The following PFKP variants were observed in gnomAD, a reference collection of about 807,000 sequenced individuals.
The protein encoded by PFKP is ATP-dependent 6-phosphofructokinase, platelet type.
Under a neutral mutation model 94.3 loss-of-function variants are expected in PFKP, and 101 were observed. The ratio of observed to expected loss-of-function variants is 1.07; its 90% CI spans 0.91 to 1.26. The LOEUF (loss-of-function observed/expected upper bound fraction) is 1.26, where lower values mean the gene tolerates loss of function less well. Ranked by LOEUF, PFKP falls within the 50% of genes most tolerant of loss-of-function variation. The probability of loss-of-function intolerance (pLI) is 0.00; values close to 1 mark genes in which losing one functional copy is unlikely to be tolerated. For synonymous variants in PFKP, 573 were observed against 432.6 expected (o/e 1.32, Z -4.03); for missense variants, 1,145 against 1,103.3 (o/e 1.04, Z -0.53).
At chr10:3,108,094 A>G (rs972753365) in intron 8 of PFKP, 7 of 1,068,616 alleles carry the variant, frequency 6.6e-6, no homozygotes, top group African/African-American at 3.3e-5. Flanking sequence ...GTGGTCATCC[A>G]TAAAGTCCAG....
Position 3,134,422 on chromosome 10 carries a change from CTATTT to C in PFKP, c.2023-60_2023-56del. ...TTCTGCAAAATAGAAATTGTCATTT[CTATTT>C]AACAGCAAAGTGTTACTGTATAACT... is the stretch of plus-strand genomic sequence containing the variant. On this transcript the variant is annotated intron_variant, in intron 19 of 21. Transcript: ENST00000381125. 4.2e-6 allele frequency: 3 copies of C among 718,944 alleles called. No homozygotes were observed. The East Asian group carries it at 8.1e-5, about 19-fold the overall frequency. 44.5% of individuals were successfully genotyped at this position (718,944 alleles called of 1,614,324 possible). A position where few individuals can be genotyped will look rare whatever the true frequency, so the allele number is the denominator to read the frequency against.
chr10:3,133,746 T>C (rs1554780827), intron 19 of PFKP, among the ~76,000 whole-genome samples: 1 of 152,246 alleles, frequency 6.6e-6, no homozygotes, highest in Non-Finnish European at 1.5e-5. Context: ...ATCTGAACTT[T>C]TAAGTGATGC....
At chr10:3,088,780 A>T (rs796385256) in intron 2 of PFKP, among the ~76,000 whole-genome samples, 4 of 102,330 alleles carry the variant, frequency 3.9e-5, no homozygotes, top group Admixed American at 1.3e-4. Flanking sequence ...TAGAGTTCAG[A>T]AATATAGTCT....
intron 14 of PFKP, 107 bp downstream of exon 14, chr10:3,116,953 C>T (rs1026267591): frequency 4.6e-5 from 41 of 883,234 alleles, no homozygotes; most frequent in East Asian, 3.4e-4. Context: ...CCTGGAAAGG[C>T]GTCCCTAAGG....
rs1315467902 is a variant in PFKP, at chr10:3,134,677, T to C, written c.2122+95T>C. 4 of 793,524 alleles carry C rather than the reference T, an allele frequency of 5.0e-6. No individual in the cohort carries two copies. The African/African-American group carries it at 6.8e-5, about 14-fold the overall frequency. The allele number at this position is 793,524 out of a possible 1,614,324, so 49.2% of individuals were successfully genotyped here. On this transcript the variant is annotated intron_variant, in intron 20 of 21. Transcript: ENST00000381125. Reference sequence around the variant, plus strand: ...CTATCGGGGAGAAGTAGGGTGCTGGTTCCTTCTTCAGTTCAGTACTGAGCT... The same window carrying C: ...CTATCGGGGAGAAGTAGGGTGCTGGCTCCTTCTTCAGTTCAGTACTGAGCT...
At chr10:3,103,998 G>C (rs1234689384) in intron 5 of PFKP, 54 bp downstream of exon 5, 8 of 1,534,610 alleles carry the variant, frequency 5.2e-6, no homozygotes, top group Admixed American at 1.8e-5. Flanking sequence ...CGTGTGCCCA[G>C]CTCAGACGTT....
In PFKP at chr10:3,118,851, GATC is replaced by G. The variant is rs1564333585; in HGVS notation, c.1516_1518del (p.Ile506del). The G allele has an allele frequency of 6.2e-7, 1 of 1,612,986 alleles. No individual in the cohort carries two copies. On this transcript the variant is annotated inframe_deletion, in exon 15 of 22. Coordinates refer to ENST00000381125, the MANE Select transcript of PFKP (RefSeq NM_002627.5). Reference sequence around the variant, plus strand: ...GCACGCACAGCATCAACGCGCTGCTGATCATCGGTGGATTCGAGGTACGTTACC... The same window carrying G: ...GCACGCACAGCATCAACGCGCTGCTGATCGGTGGATTCGAGGTACGTTACC...
intron 3 of PFKP, 80 bp from the exon 4 acceptor site, chr10:3,101,285 T>C: frequency 8.6e-7 from 1 of 1,167,898 alleles, no homozygotes; most frequent in Non-Finnish European, 1.2e-6. Context: ...GCACCCCATG[T>C]TTATAGTCGG....
At position 3,124,865 on chromosome 10, in the gene PFKP, G is replaced by A. The variant is rs144648104; in HGVS notation, c.1683+4821G>A. On this transcript the variant is annotated intron_variant, in intron 16 of 21. Coordinates refer to ENST00000381125, the MANE Select transcript of PFKP (RefSeq NM_002627.5). ...ACACCACCCCGCTGTGCTGCCTGCA[G>A]GCACCCCCTTTCATGAGGACCTGGG... Among the ~76,000 whole-genome samples the A allele has an allele frequency of 1.3e-3, 205 of 152,312 alleles. 1 individual carries two copies. Among genetic ancestry groups the A allele is most frequent in the Middle Eastern group, 0.01 (3 of 294 alleles).
At chr10:3,108,931 A>G in intron 9 of PFKP, 138 bp downstream of exon 9, 1 of 681,240 alleles carries the variant, frequency 1.5e-6, no homozygotes, top group South Asian at 1.7e-5. Context: ...CATCTTAACG[A>G]TCCTTGAGAC....
chr10:3,121,607 T>C (rs1308478454), intron 16 of PFKP, among the ~76,000 whole-genome samples: 1 of 146,850 alleles, frequency 6.8e-6, no homozygotes, highest in East Asian at 2.0e-4. Flanking sequence ...TTTCAGATTG[T>C]AAATATGTAA....
At position 3,109,822 on chromosome 10, in the gene PFKP, A is replaced by AG. The variant is rs1042965955; in HGVS notation, c.1089+345dup. Among the ~76,000 whole-genome samples the AG allele has an allele frequency of 2.0e-5, 3 of 151,980 alleles. No homozygotes were observed. The East Asian group carries it at 5.8e-4, about 29-fold the overall frequency. ...CAGGTGCTGCAGAAGGACAGAGTGC[A>AG]GGGAGGCAGCCGAGAGAGAGAGATC... On this transcript the variant is annotated intron_variant, in intron 10 of 21. Coordinates refer to ENST00000381125, the MANE Select transcript of PFKP (RefSeq NM_002627.5).
intron 20 of PFKP, 33 bp downstream of exon 20, chr10:3,134,615 G>C (rs185152561): frequency 2.9e-6 from 4 of 1,367,384 alleles, no homozygotes; most frequent in Admixed American, 1.7e-5. Flanking sequence ...CCACAGCCTC[G>C]TGATGCAGGC....
intron 13 of PFKP, among the ~76,000 whole-genome samples, chr10:3,116,283 AAGCTGCGG>A (rs1836821422): frequency 6.6e-6 from 1 of 152,114 alleles, no homozygotes; most frequent in South Asian, 2.1e-4. Context: ...TCGTGACCGG[AAGCTGCGG>A]AGCTGGGGTT....
Position 3,134,512 on chromosome 10 carries a change from C to T in PFKP, c.2052C>T (p.Asn684=). 1 of 1,613,904 alleles carries T rather than the reference C, an allele frequency of 6.2e-7. No individual in the cohort carries two copies. Among genetic ancestry groups the T allele is most frequent in the Non-Finnish European group, 8.5e-7 (1 of 1,179,794 alleles). Residue 684 remains asparagine (N), a synonymous_variant, in exon 20 of 22, where the codon AAC becomes AAT. Transcript: ENST00000381125. ...QGGAPSPFDR[N]FGTKISARAM... Reference sequence around the variant, plus strand: ...GGGCACCCTCTCCATTTGATAGAAACTTTGGAACCAAAATCTCTGCCAGAG... The same window carrying T: ...GGGCACCCTCTCCATTTGATAGAAATTTTGGAACCAAAATCTCTGCCAGAG...
intron 1 of PFKP, among the ~76,000 whole-genome samples, chr10:3,073,811 C>CTGTG (rs550068755): frequency 6.6e-6 from 1 of 151,590 alleles, no homozygotes. Context: ...GATTTTATTT[C>CTGTG]TGTGTGTGTG....
At chr10:3,130,037 G>A (rs4598574) in intron 17 of PFKP, 54 bp downstream of exon 17, 344,516 of 1,482,608 alleles carry the variant, frequency 0.23, 40,615 homozygotes, top group East Asian at 0.31. Context: ...ACTGGGTGCT[G>A]CGGAGTGAAT....
chr10:3,086,204 A>G (rs1833580044), intron 2 of PFKP, among the ~76,000 whole-genome samples: 1 of 152,118 alleles, frequency 6.6e-6, no homozygotes, highest in Non-Finnish European at 1.5e-5. Context: ...TGTGATTTTC[A>G]CGGCTGCTCC....
At chr10:3,109,991 G>T (rs1836010413) in intron 10 of PFKP, among the ~76,000 whole-genome samples, 1 of 152,124 alleles carries the variant, frequency 6.6e-6, no homozygotes, top group Non-Finnish European at 1.5e-5. Flanking sequence ...TCCAGTTTCA[G>T]CCATTTCCTG....
Sources: allele counts gnomAD v4.1 joint callset (sites outside exome capture counted in the v4.1 genomes callset), GRCh38; gene constraint gnomAD v4.1.1; transcripts MANE v1.5; gene names NCBI Gene and HGNC (gene_info 2026-07-23, HGNC 2026-07-21).